The following ANTXR1 variants were observed in gnomAD, a reference collection of about 807,000 sequenced individuals.
ANTXR1 encodes the protein anthrax toxin receptor 1.
ANTXR1 carries 19 observed loss-of-function variants against 78.1 expected under a neutral mutation model. The ratio of observed to expected loss-of-function variants is 0.24; its 90% CI spans 0.17 to 0.36. ANTXR1 has a LOEUF of 0.36. Ranked by LOEUF, ANTXR1 falls within the 10% of genes least tolerant of loss-of-function variation. ANTXR1 has a pLI of 1.00. For missense variants in ANTXR1, 518 were observed against 718.6 expected (o/e 0.72, Z 3.19); for synonymous variants, 273 against 260.5 (o/e 1.05, Z -0.46).
chr2:69,211,172 A>C (rs962961306), intron 17 of ANTXR1, among the ~76,000 whole-genome samples: 20 of 152,202 alleles, frequency 1.3e-4, no homozygotes, highest in Non-Finnish European at 2.4e-4. Context: ...ACAGGTTGCC[A>C]GTCAGCAAAA....
At chr2:69,198,660 T>G (rs1365150547) in intron 17 of ANTXR1, among the ~76,000 whole-genome samples, 1 of 152,228 alleles carries the variant, frequency 6.6e-6, no homozygotes, top group Non-Finnish European at 1.5e-5. Context: ...TAAATATTTA[T>G]GATTCCTGCC....
chr2:69,230,710 C>T (rs905314980), intron 17 of ANTXR1, among the ~76,000 whole-genome samples: 2 of 152,290 alleles, frequency 1.3e-5, no homozygotes, highest in East Asian at 3.9e-4. Flanking sequence ...TAAGCATGCA[C>T]AAGTGTGTAA....
chr2:69,073,206 A>G, intron 6 of ANTXR1, 105 bp downstream of exon 6: 1 of 938,652 alleles, frequency 1.1e-6, no homozygotes, highest in African/African-American at 1.6e-5. Context: ...TTCTTTGCAA[A>G]TCCCCTGAAT....
intron 3 of ANTXR1, among the ~76,000 whole-genome samples, chr2:69,059,005 G>A (rs539840419): frequency 2.6e-4 from 40 of 152,316 alleles, no homozygotes; most frequent in African/African-American, 9.1e-4. Flanking sequence ...TGGCTGAATT[G>A]TTGCAATCTC....
At chr2:69,103,825 T>C (rs1671713651) in intron 10 of ANTXR1, 1 of 154,286 alleles carries the variant, frequency 6.5e-6, no homozygotes, top group Non-Finnish European at 1.5e-5. Context: ...ACCTTCTAAA[T>C]GCTTCACATC....
At chr2:69,232,460 T>C (rs1675643405) in intron 17 of ANTXR1, among the ~76,000 whole-genome samples, 1 of 149,136 alleles carries the variant, frequency 6.7e-6, no homozygotes, top group African/African-American at 2.5e-5. Flanking sequence ...TAGACACCAC[T>C]GCACTCCAGC....
chr2:69,186,681 G>A (rs1244507248), intron 16 of ANTXR1, among the ~76,000 whole-genome samples: 2 of 152,232 alleles, frequency 1.3e-5, no homozygotes, highest in African/African-American at 2.4e-5. Context: ...CTACTCGACA[G>A]GAACTGTTTC....
intron 12 of ANTXR1, among the ~76,000 whole-genome samples, chr2:69,132,683 CTG>C (rs1353845135): frequency 6.6e-6 from 1 of 152,224 alleles, no homozygotes; most frequent in Non-Finnish European, 1.5e-5. Context: ...AAGTGGGTAG[CTG>C]TCTTTGGGAC....
intron 8 of ANTXR1, among the ~76,000 whole-genome samples, chr2:69,090,223 TC>T (rs1450450960): frequency 2.0e-5 from 3 of 151,844 alleles, no homozygotes; most frequent in Non-Finnish European, 2.9e-5. Context: ...ACCATTTCCG[TC>T]CTATCTCTCC....
chr2:69,176,094 TACACAC>T (rs149847661), intron 14 of ANTXR1, among the ~76,000 whole-genome samples: 3 of 145,570 alleles, frequency 2.1e-5, no homozygotes, highest in Non-Finnish European at 3.0e-5. Flanking sequence ...CACACACACA[TACACAC>T]ACACACACAT....
intron 16 of ANTXR1, 137 bp downstream of exon 16, chr2:69,182,797 G>A: frequency 1.8e-6 from 2 of 1,130,434 alleles, no homozygotes; most frequent in Admixed American, 2.0e-5. Context: ...CTAAAATTAT[G>A]GACTTGAAAG....
intron 10 of ANTXR1, among the ~76,000 whole-genome samples, chr2:69,119,871 A>G (rs1573902614): frequency 1.3e-5 from 2 of 152,184 alleles, no homozygotes; most frequent in African/African-American, 4.8e-5. Context: ...AAGGAATAAT[A>G]CACCATCCTG....
intron 10 of ANTXR1, 21 bp from the exon 11 acceptor site, chr2:69,122,996 C>T: frequency 6.2e-7 from 1 of 1,611,600 alleles, no homozygotes; most frequent in South Asian, 1.1e-5. Flanking sequence ...TCTTCTTAAT[C>T]CAGTGATTTC....
intron 14 of ANTXR1, chr2:69,172,534 C>A: frequency 7.1e-7 from 1 of 1,404,476 alleles, no homozygotes; most frequent in Non-Finnish European, 9.2e-7. Context: ...GTCTAACATT[C>A]AATAAATAGC....
intron 8 of ANTXR1, among the ~76,000 whole-genome samples, chr2:69,086,729 A>G (rs948226096): frequency 7.9e-5 from 12 of 152,254 alleles, no homozygotes; most frequent in African/African-American, 2.9e-4. Context: ...AGGAAGAGCT[A>G]ACAGCCACTG....
chr2:69,036,427 T>C (rs1669426908), intron 1 of ANTXR1, among the ~76,000 whole-genome samples: 1 of 152,240 alleles, frequency 6.6e-6, no homozygotes. Flanking sequence ...TTTATTATTA[T>C]TGACTATAGC....
At chr2:69,036,851 C>T (rs1395160810) in intron 1 of ANTXR1, among the ~76,000 whole-genome samples, 1 of 152,176 alleles carries the variant, frequency 6.6e-6, no homozygotes, top group Non-Finnish European at 1.5e-5. Context: ...CCCAGGACCC[C>T]CAGGGCCAGA....
chr2:69,026,715 T>G (rs1319043029), intron 1 of ANTXR1, among the ~76,000 whole-genome samples: 1 of 152,130 alleles, frequency 6.6e-6, no homozygotes, highest in Non-Finnish European at 1.5e-5. Flanking sequence ...AACTAAAAAT[T>G]AATGAGCTGA....
At chr2:69,229,062 A>G (rs1399335253) in intron 17 of ANTXR1, among the ~76,000 whole-genome samples, 2 of 152,082 alleles carry the variant, frequency 1.3e-5, no homozygotes, top group Admixed American at 1.3e-4. Flanking sequence ...TCTTCTTCTA[A>G]GGGGACCAAC....
Sources: gnomAD v4.1 joint callset for allele counts (sites outside exome capture counted in the v4.1 genomes callset) on GRCh38, gnomAD v4.1.1 for gene constraint, MANE v1.5 for transcripts, NCBI Gene and HGNC (gene_info 2026-07-23, HGNC 2026-07-21) for gene names.